EXO1: variants seen among roughly 807,000 people sequenced by gnomAD.
EXO1 encodes exonuclease 1.
A neutral mutation model predicts 84.5 loss-of-function variants in EXO1; 69 were observed. The observed-to-expected ratio is 0.82, with a 90% CI of 0.67 to 1.00. The LOEUF (loss-of-function observed/expected upper bound fraction) is 1.00, where lower values mean the gene tolerates loss of function less well. EXO1 is among the 50% of genes least tolerant of loss of function. EXO1 has a pLI of 0.00. For missense variants in EXO1, 1,045 were observed against 1,000.7 expected (o/e 1.04, Z -0.60); for synonymous variants, 373 against 366.1 (o/e 1.02, Z -0.21).
chr1:241,853,540 T>C (rs1660785551), intron 6 of EXO1, 59 bp downstream of exon 6: 37 of 1,595,472 alleles, frequency 2.3e-5, no homozygotes, highest in Non-Finnish European at 3.1e-5. Flanking sequence ...TGTTTATTGA[T>C]GGGAGAGGAA....
chr1:241,850,310 T>C, intron 3 of EXO1, 99 bp from the exon 4 acceptor site: 2 of 841,328 alleles, frequency 2.4e-6, no homozygotes, highest in Non-Finnish European at 3.8e-6. Context: ...AACCAATTTC[T>C]GCATTGGACT....
chr1:241,851,396 G>C (rs1660662433), intron 4 of EXO1, among the ~76,000 whole-genome samples: 1 of 152,128 alleles, frequency 6.6e-6, no homozygotes, highest in Admixed American at 6.5e-5. Flanking sequence ...ACAATGTAGT[G>C]AGTCTTTCAT....
intron 10 of EXO1, among the ~76,000 whole-genome samples, chr1:241,866,367 G>A (rs1366401278): frequency 6.6e-6 from 1 of 152,152 alleles, no homozygotes; most frequent in Non-Finnish European, 1.5e-5. Context: ...GCCTGCCTCA[G>A]CCTCCCAAAT....
At chr1:241,855,820 C>T (rs535577541) in intron 6 of EXO1, among the ~76,000 whole-genome samples, 60 of 152,352 alleles carry the variant, frequency 3.9e-4, no homozygotes, top group African/African-American at 1.4e-3. Flanking sequence ...GCCGCTGGCC[C>T]GGGTGCTAAG....
At chr1:241,881,420 G>A (rs569473382) in intron 13 of EXO1, among the ~76,000 whole-genome samples, 43 of 152,280 alleles carry the variant, frequency 2.8e-4, no homozygotes, top group African/African-American at 1.0e-3. Context: ...ATAGAATTGG[G>A]GGCAGAAAGG....
chr1:241,889,854 G>A lies in EXO1; in HGVS notation c.*254G>A, dbSNP rs1663280908. Reference sequence around the variant, plus strand: ...TTTTGGAGGTTTTAGTGTTAATTGGGAAAATCCTCTGGAGTTTATAAAAGT... The same window carrying A: ...TTTTGGAGGTTTTAGTGTTAATTGGAAAAATCCTCTGGAGTTTATAAAAGT... On this transcript the variant is annotated 3_prime_UTR_variant, in exon 16 of 16. Coordinates refer to ENST00000366548, the MANE Select transcript of EXO1 (RefSeq NM_130398.4). 1 of 473,022 alleles carries A rather than the reference G, an allele frequency of 2.1e-6. No individual in the cohort carries two copies. Among genetic ancestry groups the A allele is most frequent in the South Asian group, 2.2e-5 (1 of 44,836 alleles). The allele number at this position is 473,022 out of a possible 1,614,324, so 29.3% of individuals were successfully genotyped here.
chr1:241,871,940 T>A, intron 11 of EXO1, 92 bp from the exon 12 acceptor site: 1 of 893,120 alleles, frequency 1.1e-6, no homozygotes, highest in Non-Finnish European at 1.8e-6. Flanking sequence ...AAAGTCCTTA[T>A]TTTTAGGACA....
intron 15 of EXO1, among the ~76,000 whole-genome samples, chr1:241,886,072 C>T (rs942144898): frequency 1.3e-5 from 2 of 152,240 alleles, no homozygotes; most frequent in East Asian, 3.9e-4. Context: ...AGGCTAGTCT[C>T]GAACTCCCAA....
At chr1:241,875,169 A>G (rs1662320859) in intron 12 of EXO1, among the ~76,000 whole-genome samples, 1 of 152,078 alleles carries the variant, frequency 6.6e-6, no homozygotes, top group African/African-American at 2.4e-5. Flanking sequence ...ATGCCCAGCT[A>G]ATTTTTATGT....
intron 10 of EXO1, among the ~76,000 whole-genome samples, chr1:241,865,426 G>T (rs757205874): frequency 6.6e-6 from 1 of 151,464 alleles, no homozygotes; most frequent in Non-Finnish European, 1.5e-5. Flanking sequence ...GGTCAGGCTG[G>T]TCTCAAACTC....
Position 241,861,463 on chromosome 1 carries a change from T to C in EXO1, c.1002T>C (p.Thr334=). 6.3e-7 allele frequency: 1 copy of C among 1,594,134 alleles called. No individual in the cohort carries two copies. Among genetic ancestry groups the C allele is most frequent in the Middle Eastern group, 1.7e-4 (1 of 6,038 alleles). The change falls in exon 10 of 16, where the codon ACT becomes ACC. Residue 334 remains threonine (T), a synonymous_variant. Transcript: ENST00000366548. ...CACTTGGAAATAAAGATATAAATAC[T>C]TTTGAACAGATCGATGACTACAATC... The part of the protein sequence containing the change: ...QIALGNKDIN[T]FEQIDDYNPD...
chr1:241,882,095 G>A, intron 14 of EXO1, 78 bp downstream of exon 14: 1 of 730,322 alleles, frequency 1.4e-6, no homozygotes, highest in South Asian at 1.6e-5. Context: ...AATACAAGCA[G>A]AATTAAAAAT....
intron 15 of EXO1, among the ~76,000 whole-genome samples, chr1:241,887,256 C>T (rs1044245144): frequency 3.3e-5 from 5 of 152,148 alleles, no homozygotes; most frequent in Non-Finnish European, 7.4e-5. Flanking sequence ...CCTGCCTCAG[C>T]CTCTTGAGTA....
At position 241,855,835 on chromosome 1, in the gene EXO1, C is replaced by T. The variant is rs188706126; in HGVS notation, c.406-1510C>T. On this transcript the variant is annotated intron_variant, in intron 6 of 15. Coordinates refer to ENST00000366548, the MANE Select transcript of EXO1 (RefSeq NM_130398.4). ...GCCGCTGGCCCGGGTGCTAAGCCCTCATTGCCTGGGGCCGACAGGGCCGGC... is the reference window on the plus strand; with the variant it reads ...GCCGCTGGCCCGGGTGCTAAGCCCTTATTGCCTGGGGCCGACAGGGCCGGC... 6.2e-3 allele frequency among the ~76,000 whole-genome samples: 948 copies of T among 152,360 alleles called. 9 individuals carry two copies. Among genetic ancestry groups the T allele is most frequent in the African/African-American group, 0.021 (884 of 41,590 alleles).
Position 241,861,550 on chromosome 1 carries a change from C to T in EXO1, c.1041+48C>T, listed in dbSNP as rs4149917. ...ATGAAAACACGTTTTAGTTATGTCC[C>T]GAGCTGTGATTAAAGGCAAATCTTC... On this transcript the variant is annotated intron_variant, in intron 10 of 15. Transcript: ENST00000366548. The T allele has an allele frequency of 6.8e-3, 6,866 of 1,007,536 alleles. 303 individuals are homozygous for T. The African/African-American group carries it at 0.096, about 14-fold the overall frequency. 62.4% of individuals were successfully genotyped at this position (1,007,536 alleles called of 1,614,324 possible). A position where few individuals can be genotyped will look rare whatever the true frequency, so the allele number is the denominator to read the frequency against.
intron 11 of EXO1, among the ~76,000 whole-genome samples, chr1:241,867,564 G>T (rs1034640332): frequency 6.6e-6 from 1 of 152,062 alleles, no homozygotes; most frequent in African/African-American, 2.4e-5. Context: ...GTTTTAGCCT[G>T]TGAGCCATTT....
At chr1:241,850,294 A>C in intron 3 of EXO1, 115 bp from the exon 4 acceptor site, 1 of 769,430 alleles carries the variant, frequency 1.3e-6, no homozygotes, top group Non-Finnish European at 2.1e-6. Flanking sequence ...AAAAAAAAAA[A>C]CAACAAACCA....
chr1:241,885,079 T>C (rs1424885324), intron 14 of EXO1, among the ~76,000 whole-genome samples: 4 of 151,832 alleles, frequency 2.6e-5, no homozygotes, highest in Middle Eastern at 3.4e-3. Flanking sequence ...TGGTGGCGGG[T>C]GCCTGTAGTC....
chr1:241,867,824 T>G (rs116646192), intron 11 of EXO1, among the ~76,000 whole-genome samples: 1 of 152,180 alleles, frequency 6.6e-6, no homozygotes, highest in African/African-American at 2.4e-5. Context: ...TACTGTGGCT[T>G]TATAGAAAAT....
Sources: gnomAD v4.1 joint callset for allele counts (sites outside exome capture counted in the v4.1 genomes callset) on GRCh38, gnomAD v4.1.1 for gene constraint, MANE v1.5 for transcripts, NCBI Gene and HGNC (gene_info 2026-07-23, HGNC 2026-07-21) for gene names.